Variants in CSMD1 observed in about 807,000 individuals in gnomAD.
The protein encoded by CSMD1 is CUB and Sushi multiple domains 1.
CSMD1 carries 213 observed loss-of-function variants against 417.5 expected under a neutral mutation model. The observed-to-expected ratio is 0.51, with a 90% CI of 0.46 to 0.57. The LOEUF (loss-of-function observed/expected upper bound fraction) is 0.57, where lower values mean the gene tolerates loss of function less well. Among genes scored for constraint, CSMD1 ranks in the 20% least tolerant of loss-of-function variants. The probability of loss-of-function intolerance (pLI) is 0.00; values close to 1 mark genes in which losing one functional copy is unlikely to be tolerated. For missense variants in CSMD1, 6,923 were observed against 4,529.7 expected (o/e 1.53, Z -15.17); for synonymous variants, 2,862 against 1,736.8 (o/e 1.65, Z -16.11).
chr8:4,067,028 G>T (rs146570990), intron 3 of CSMD1, among the ~76,000 whole-genome samples: 4 of 152,334 alleles, frequency 2.6e-5, no homozygotes, highest in African/African-American at 9.6e-5. Flanking sequence ...TCTTAGTTTT[G>T]TGTATGATGA....
intron 1 of CSMD1, among the ~76,000 whole-genome samples, chr8:4,918,330 T>G (rs1286475100): frequency 6.6e-6 from 1 of 152,214 alleles, no homozygotes. Flanking sequence ...TATTGCCTTC[T>G]CTCTCTTTTC....
chr8:3,662,795 A>C (rs1369439612), intron 7 of CSMD1, among the ~76,000 whole-genome samples: 2 of 151,998 alleles, frequency 1.3e-5, no homozygotes, highest in African/African-American at 4.8e-5. Flanking sequence ...CAATGAGAAC[A>C]CATGGACACA....
intron 7 of CSMD1, among the ~76,000 whole-genome samples, chr8:3,658,105 A>T (rs2117431704): frequency 6.6e-6 from 1 of 152,296 alleles, no homozygotes; most frequent in East Asian, 1.9e-4. Flanking sequence ...TAGCAACATT[A>T]TTATCATCAA....
intron 1 of CSMD1, among the ~76,000 whole-genome samples, chr8:4,890,721 G>A (rs1329079092): frequency 6.6e-6 from 1 of 152,130 alleles, no homozygotes; most frequent in Non-Finnish European, 1.5e-5. Context: ...TTAGGTCGCT[G>A]CAAAAGTAAT....
rs573000612 is a variant in CSMD1 at position 4,377,313 on chromosome 8, C to CA, written c.415+42639dup. Among the ~76,000 whole-genome samples the CA allele has an allele frequency of 5.3e-5, 8 of 152,268 alleles. No individual in the cohort carries two copies. In the South Asian group the frequency reaches 1.7e-3, roughly 32 times the overall value. On this transcript the variant is annotated intron_variant, in intron 3 of 69. Coordinates refer to ENST00000635120, the MANE Select transcript of CSMD1 (RefSeq NM_033225.6). Reference sequence around the variant, plus strand: ...GGGAGGAGGAGAAGTCACCACAGCCCAAAACCTTGGTCGGGGGAGGCTTAG... The same window carrying CA: ...GGGAGGAGGAGAAGTCACCACAGCCCAAAAACCTTGGTCGGGGGAGGCTTAG...
chr8:3,873,767 G>C (rs188618252), intron 5 of CSMD1, among the ~76,000 whole-genome samples: 3 of 152,042 alleles, frequency 2.0e-5, no homozygotes, highest in Admixed American at 6.6e-5. Flanking sequence ...AAATCAGATG[G>C]CCTGAACCAA....
At chr8:4,714,075 A>G (rs1449152823) in intron 1 of CSMD1, among the ~76,000 whole-genome samples, 1 of 151,954 alleles carries the variant, frequency 6.6e-6, no homozygotes, top group Non-Finnish European at 1.5e-5. Context: ...AACCCGGGAG[A>G]CAGAGGTTGC....
At chr8:3,378,046 G>C (rs1268205442) in intron 18 of CSMD1, among the ~76,000 whole-genome samples, 1 of 152,182 alleles carries the variant, frequency 6.6e-6, no homozygotes, top group Non-Finnish European at 1.5e-5. Context: ...GGTTGAAAAT[G>C]ATTTAAATAA....
chr8:4,924,978 G>A (rs1316558445), intron 1 of CSMD1, among the ~76,000 whole-genome samples: 4 of 152,024 alleles, frequency 2.6e-5, no homozygotes, highest in Non-Finnish European at 4.4e-5. Context: ...CCACCATGGT[G>A]TCTACATTGC....
intron 3 of CSMD1, among the ~76,000 whole-genome samples, chr8:4,142,703 G>A (rs974148340): frequency 6.6e-6 from 1 of 151,086 alleles, no homozygotes; most frequent in African/African-American, 2.5e-5. Flanking sequence ...CTGAGGTTTA[G>A]GGCATTCCTA....
At chr8:3,617,483 C>G (rs1802197328) in intron 7 of CSMD1, among the ~76,000 whole-genome samples, 1 of 151,604 alleles carries the variant, frequency 6.6e-6, no homozygotes, top group Non-Finnish European at 1.5e-5. Context: ...TTTTTTCTCC[C>G]AGGAATTTGC....
chr8:4,117,928 G>C (rs1802252402), intron 3 of CSMD1, among the ~76,000 whole-genome samples: 1 of 120,338 alleles, frequency 8.3e-6, no homozygotes, highest in Non-Finnish European at 1.7e-5. Flanking sequence ...AATTTTCCTG[G>C]AAAAGTCAGG....
rs547162781 is a variant in CSMD1, at chr8:3,451,086, C to T, written c.1561+17626G>A. ...GCCAGTGATGACGAGCATTTTTTCA[C>T]GTCTCTTTTGGCTGCATAAATGTCT... On this transcript the variant is annotated intron_variant, in intron 12 of 69. Coordinates refer to ENST00000635120, the MANE Select transcript of CSMD1 (RefSeq NM_033225.6). Among the ~76,000 whole-genome samples the T allele has an allele frequency of 1.2e-4, 18 of 152,212 alleles. No individual in the cohort carries two copies. In the South Asian group the frequency reaches 1.2e-3, roughly 11 times the overall value.
chr8:3,544,807 T>C (rs555359165), intron 10 of CSMD1, among the ~76,000 whole-genome samples: 189 of 152,162 alleles, frequency 1.2e-3, no homozygotes, highest in Non-Finnish European at 1.2e-3. Context: ...AGAAAAGATA[T>C]GAAGACAAGC....
chr8:4,053,729 C>A (rs143568287), intron 3 of CSMD1, among the ~76,000 whole-genome samples: 5 of 152,062 alleles, frequency 3.3e-5, no homozygotes, highest in Admixed American at 2.6e-4. Context: ...TGCTCCAGAA[C>A]TGGCTTCTTG....
intron 5 of CSMD1, among the ~76,000 whole-genome samples, chr8:3,849,434 G>A (rs1803731887): frequency 6.6e-6 from 1 of 152,162 alleles, no homozygotes; most frequent in African/African-American, 2.4e-5. Flanking sequence ...ATGTCAGAAA[G>A]TAACCCTGCT....
chr8:4,606,258 C>G (rs1287527832), intron 2 of CSMD1, among the ~76,000 whole-genome samples: 2 of 151,972 alleles, frequency 1.3e-5, no homozygotes, highest in Non-Finnish European at 2.9e-5. Flanking sequence ...GAAATAAAAC[C>G]TAATAAATTA....
chr8:4,942,958 A>C (rs1808113446), intron 1 of CSMD1, among the ~76,000 whole-genome samples: 1 of 152,164 alleles, frequency 6.6e-6, no homozygotes, highest in South Asian at 2.1e-4. Flanking sequence ...TTCAGGATTG[A>C]GATAGCTTAA....
chr8:4,256,749 A>G (rs1376157009), intron 3 of CSMD1, among the ~76,000 whole-genome samples: 2 of 152,126 alleles, frequency 1.3e-5, no homozygotes, highest in African/African-American at 4.8e-5. Context: ...GCAGTGAGGT[A>G]CAGGGCAGTG....
Sources: gnomAD v4.1 joint callset for allele counts (sites outside exome capture counted in the v4.1 genomes callset) on GRCh38, gnomAD v4.1.1 for gene constraint, MANE v1.5 for transcripts, NCBI Gene and HGNC (gene_info 2026-07-23, HGNC 2026-07-21) for gene names.